RBPJ: variants seen among roughly 807,000 people sequenced by gnomAD.
The protein encoded by RBPJ is recombination signal binding protein for immunoglobulin kappa J region, also known as recombining binding protein suppressor of hairless.
Under a neutral mutation model 67.8 loss-of-function variants are expected in RBPJ, and 9 were observed. That is an observed-to-expected ratio of 0.13 (90% CI 0.08 to 0.23). The LOEUF is 0.23. Ranked by LOEUF, RBPJ falls within the 10% of genes least tolerant of loss-of-function variation. The pLI is 1.00. For synonymous variants in RBPJ, 198 were observed against 203.3 expected (o/e 0.97, Z 0.22); for missense variants, 305 against 595.6 (o/e 0.51, Z 5.08).
chr4:26,184,418 T>C (rs189959073), intron 1 of RBPJ, among the ~76,000 whole-genome samples: 2 of 151,908 alleles, frequency 1.3e-5, no homozygotes, highest in Non-Finnish European at 2.9e-5. Context: ...AAACGAAACA[T>C]CAAGGATGGA....
chr4:26,327,991 C>A (rs1723821463), intron 1 of RBPJ, among the ~76,000 whole-genome samples: 1 of 152,122 alleles, frequency 6.6e-6, no homozygotes. Flanking sequence ...AGCTTAATTT[C>A]CTCCAGTACA....
chr4:26,327,767 C>T (rs1016358811), intron 1 of RBPJ, among the ~76,000 whole-genome samples: 1 of 151,890 alleles, frequency 6.6e-6, no homozygotes, highest in South Asian at 2.1e-4. Flanking sequence ...ATGGCCTGAG[C>T]CCAGGAGTTT....
chr4:26,205,590 A>T (rs893872257), intron 1 of RBPJ, among the ~76,000 whole-genome samples: 2 of 151,726 alleles, frequency 1.3e-5, no homozygotes, highest in East Asian at 1.9e-4. Flanking sequence ...TCTAAAAAAA[A>T]TTTTTTTTGT....
the RBPJ span, among the ~76,000 whole-genome samples, chr4:26,126,071 A>T: frequency 6.6e-6 from 1 of 152,244 alleles, no homozygotes; most frequent in Admixed American, 6.5e-5. Flanking sequence ...TGCTTTAAAA[A>T]AAAAATCCAT....
chr4:26,415,730 T>G, intron 4 of RBPJ, 90 bp downstream of exon 4: 3 of 1,249,136 alleles, frequency 2.4e-6, no homozygotes, highest in Non-Finnish European at 2.2e-6. Flanking sequence ...GATTTTTTTC[T>G]TTAATAACTA....
intron 1 of RBPJ, among the ~76,000 whole-genome samples, chr4:26,178,979 G>A (rs568160080): frequency 2.3e-4 from 35 of 152,202 alleles, no homozygotes; most frequent in African/African-American, 7.2e-4. Flanking sequence ...CCTCACGTGC[G>A]GCCTGCAGGG....
At chr4:26,284,118 TTAA>T (rs1171649880) in intron 1 of RBPJ, among the ~76,000 whole-genome samples, 4 of 152,208 alleles carry the variant, frequency 2.6e-5, no homozygotes, top group Non-Finnish European at 4.4e-5. Flanking sequence ...AAAATTCTTC[TTAA>T]TAGTATTTAT....
chr4:26,358,575 G>A (rs989819848), intron 1 of RBPJ, among the ~76,000 whole-genome samples: 5 of 133,194 alleles, frequency 3.8e-5, no homozygotes, highest in Admixed American at 8.7e-5. Flanking sequence ...AGGGGTTTGA[G>A]ACCAGCCTGG....
chr4:26,202,969 A>G (rs867843439), intron 1 of RBPJ, among the ~76,000 whole-genome samples: 3 of 41,324 alleles, frequency 7.3e-5, no homozygotes, highest in South Asian at 1.0e-3. Context: ...AAGGAAGGAA[A>G]TAAGGAAGGA....
rs530861412 is a variant in RBPJ at position 26,268,791 on chromosome 4, A to T, written c.-166-93655A>T. On this transcript the variant is annotated intron_variant, in intron 1 of 4. Coordinates refer to the RBPJ transcript ENST00000512351. ...GAGGAAGGGGTTCAGGTGAATATTC[A>T]TCCCCCAAGTCCACTTCATCATTCA... Among the ~76,000 whole-genome samples the T allele has an allele frequency of 1.2e-4, 19 of 152,198 alleles. No individual in the cohort carries two copies. The East Asian group carries it at 3.7e-3, about 29-fold the overall frequency.
chr4:26,273,726 A>G (rs371324620), intron 1 of RBPJ, among the ~76,000 whole-genome samples: 1 of 152,180 alleles, frequency 6.6e-6, no homozygotes, highest in African/African-American at 2.4e-5. Flanking sequence ...TTTCAGGAAG[A>G]AGTGGGGAAG....
At chr4:26,247,063 C>A (rs1719953832) in intron 1 of RBPJ, among the ~76,000 whole-genome samples, 2 of 150,526 alleles carry the variant, frequency 1.3e-5, no homozygotes, top group East Asian at 3.9e-4. Flanking sequence ...GCCTCAATCT[C>A]CCAGGCTCAA....
intron 1 of RBPJ, among the ~76,000 whole-genome samples, chr4:26,335,964 A>C (rs1724792338): frequency 6.6e-6 from 1 of 152,144 alleles, no homozygotes; most frequent in Non-Finnish European, 1.5e-5. Context: ...TTTGTTCTGC[A>C]TGTGAGTATT....
At chr4:26,331,938 G>A (rs1457754838) in intron 1 of RBPJ, among the ~76,000 whole-genome samples, 2 of 152,204 alleles carry the variant, frequency 1.3e-5, no homozygotes, top group Admixed American at 6.5e-5. Context: ...ATTTTATACT[G>A]AAAGATGATC....
chr4:26,190,340 G>A (rs1056437724), intron 1 of RBPJ, among the ~76,000 whole-genome samples: 1 of 152,154 alleles, frequency 6.6e-6, no homozygotes, highest in Non-Finnish European at 1.5e-5. Context: ...GTCCCTATGG[G>A]AAACATAAGA....
intron 1 of RBPJ, among the ~76,000 whole-genome samples, chr4:26,227,527 A>C (rs1324529221): frequency 6.6e-6 from 1 of 152,176 alleles, no homozygotes; most frequent in East Asian, 1.9e-4. Context: ...ATGGGACTCT[A>C]TATGAAGATC....
At chr4:26,255,576 G>A (rs1267200054) in intron 1 of RBPJ, among the ~76,000 whole-genome samples, 1 of 150,740 alleles carries the variant, frequency 6.6e-6, no homozygotes, top group African/African-American at 2.4e-5. Context: ...GCCAAGGCGG[G>A]CGGATCACGA....
intron 1 of RBPJ, among the ~76,000 whole-genome samples, chr4:26,200,620 G>T (rs906476770): frequency 6.6e-6 from 1 of 151,694 alleles, no homozygotes; most frequent in East Asian, 1.9e-4. Context: ...GCAGTCAGCC[G>T]TGACTGCATC....
rs116687519 is a variant in RBPJ, at chr4:26,411,394, A to G, written c.156-4081A>G. On this transcript the variant is annotated intron_variant, in intron 3 of 10. Coordinates refer to ENST00000355476, the MANE Select transcript of RBPJ (RefSeq NM_015874.6). Reference sequence around the variant, plus strand: ...TTTTTTTGTATATATGCTGACTTTTATTCAATCACTAGATTTTTACGAAGT... The same window carrying G: ...TTTTTTTGTATATATGCTGACTTTTGTTCAATCACTAGATTTTTACGAAGT... Among the ~76,000 whole-genome samples, 1,315 of 149,008 alleles carry G rather than the reference A, an allele frequency of 8.8e-3. 22 individuals are homozygous for G. The highest frequency in any genetic ancestry group is 0.031 in the African/African-American group (1,266 of 40,220).
Sources: gnomAD v4.1 joint callset for allele counts (sites outside exome capture counted in the v4.1 genomes callset) on GRCh38, gnomAD v4.1.1 for gene constraint, MANE v1.5 for transcripts, NCBI Gene and HGNC (gene_info 2026-07-23, HGNC 2026-07-21) for gene names.